NRCAM: variants seen among roughly 807,000 people sequenced by gnomAD.
NRCAM encodes NgCAM-related cell adhesion molecule.
NRCAM carries 83 observed loss-of-function variants against 156.5 expected under a neutral mutation model. That is an observed-to-expected ratio of 0.53 (90% CI 0.44 to 0.64). The LOEUF (loss-of-function observed/expected upper bound fraction) is 0.64, where lower values mean the gene tolerates loss of function less well. NRCAM is among the 30% of genes least tolerant of loss of function. The pLI is 0.00. For synonymous variants in NRCAM, 538 were observed against 563.9 expected (o/e 0.95, Z 0.65); for missense variants, 1,417 against 1,597.3 (o/e 0.89, Z 1.92).
intron 3 of NRCAM, among the ~76,000 whole-genome samples, chr7:108,302,050 G>C (rs949368382): frequency 6.7e-6 from 1 of 150,122 alleles, no homozygotes; most frequent in Admixed American, 6.6e-5. Context: ...AGTGACCAAA[G>C]TACAAAAAAA....
chr7:108,348,046 A>T (rs1161488798), intron 2 of NRCAM, among the ~76,000 whole-genome samples: 2 of 152,244 alleles, frequency 1.3e-5, no homozygotes, highest in African/African-American at 4.8e-5. Flanking sequence ...AGCATTCTGT[A>T]TTCATCTTTG....
intron 32 of NRCAM, chr7:108,156,529 G>A: frequency 2.4e-6 from 1 of 413,164 alleles, no homozygotes; most frequent in Non-Finnish European, 3.3e-6. Context: ...GTCAGAGTAG[G>A]GGCACAGGGT....
intron 25 of NRCAM, among the ~76,000 whole-genome samples, chr7:108,179,973 G>A (rs1286071228): frequency 1.3e-5 from 2 of 152,272 alleles, no homozygotes; most frequent in African/African-American, 4.8e-5. Flanking sequence ...CAGTGTGTGT[G>A]GAGAAAAATT....
intron 2 of NRCAM, among the ~76,000 whole-genome samples, chr7:108,387,315 C>T (rs2099743777): frequency 6.6e-6 from 1 of 152,064 alleles, no homozygotes; most frequent in African/African-American, 2.4e-5. Flanking sequence ...CTTTTATTAA[C>T]CTCCATATTC....
At chr7:108,211,541 G>A (rs1406003618) in intron 11 of NRCAM, among the ~76,000 whole-genome samples, 2 of 152,206 alleles carry the variant, frequency 1.3e-5, no homozygotes, top group African/African-American at 4.8e-5. Context: ...GGCTGTTAGG[G>A]TAGGCACTGT....
At chr7:108,168,025 C>A (rs191583629) in intron 29 of NRCAM, among the ~76,000 whole-genome samples, 1 of 152,088 alleles carries the variant, frequency 6.6e-6, no homozygotes, top group East Asian at 1.9e-4. Context: ...GTTTCAAGTA[C>A]TATGATATGA....
intron 2 of NRCAM, among the ~76,000 whole-genome samples, chr7:108,322,801 A>G (rs529571153): frequency 1.3e-5 from 2 of 152,338 alleles, no homozygotes; most frequent in South Asian, 4.1e-4. Context: ...GTTGCTAACT[A>G]TAGTTAAGTT....
chr7:108,277,467 C>T (rs1009247084), intron 3 of NRCAM, among the ~76,000 whole-genome samples: 5 of 152,022 alleles, frequency 3.3e-5, no homozygotes, highest in South Asian at 2.1e-4. Flanking sequence ...CTTGTCTTCT[C>T]GCTTTATTTC....
intron 1 of NRCAM, among the ~76,000 whole-genome samples, chr7:108,446,545 G>A (rs1244234898): frequency 6.6e-6 from 1 of 152,154 alleles, no homozygotes; most frequent in African/African-American, 2.4e-5. Context: ...GCAGAACAGA[G>A]CAAGGATGGT....
At chr7:108,250,288 T>C (rs2096251875) in intron 3 of NRCAM, among the ~76,000 whole-genome samples, 1 of 151,960 alleles carries the variant, frequency 6.6e-6, no homozygotes, top group Admixed American at 6.6e-5. Context: ...AAGCTGGGCA[T>C]GGTGGCGAGC....
rs1459130439 is a variant in NRCAM at position 108,405,707 on chromosome 7, T to C, written c.-331-6114A>G. ...GATGACATTACGTTTTAGTTAAAGTTAGAAAAGCAGTATCTTTAGATATGT... is the reference window on the plus strand; with the variant it reads ...GATGACATTACGTTTTAGTTAAAGTCAGAAAAGCAGTATCTTTAGATATGT... On this transcript the variant is annotated intron_variant, in intron 1 of 32. Transcript: ENST00000379028. Among the ~76,000 whole-genome samples, 6 of 152,190 alleles carry C rather than the reference T, an allele frequency of 3.9e-5. 1 individual carries two copies. Among genetic ancestry groups the C allele is most frequent in the Admixed American group, 3.9e-4 (6 of 15,278 alleles).
chr7:108,444,616 C>T (rs1842416859), intron 1 of NRCAM, among the ~76,000 whole-genome samples: 1 of 152,080 alleles, frequency 6.6e-6, no homozygotes, highest in African/African-American at 2.4e-5. Flanking sequence ...TTGCTGGCAA[C>T]CTTTGGCCAT....
chr7:108,237,749 T>C lies in NRCAM; in HGVS notation c.124+3A>G, dbSNP rs2095213147. ...GCCTAGTAATTTATAGAAGGACACT[T>C]ACAGTCTTCAAGAAGTTTTGCTTTT... On this transcript the variant is annotated splice_donor_region_variant and intron_variant, in intron 5 of 32. Coordinates refer to ENST00000379028, the MANE Select transcript of NRCAM (RefSeq NM_001037132.4). 5 of 1,592,258 alleles carry C rather than the reference T, an allele frequency of 3.1e-6. No homozygotes were observed. Among genetic ancestry groups the C allele is most frequent in the Non-Finnish European group, 4.3e-6 (5 of 1,170,270 alleles).
At position 108,286,677 on chromosome 7, in the gene NRCAM, G is replaced by C. The variant is rs1340476350; in HGVS notation, c.-107+25988C>G. Among the ~76,000 whole-genome samples the C allele has an allele frequency of 2.0e-5, 3 of 152,118 alleles. No homozygotes were observed. The East Asian group carries it at 5.8e-4, about 29-fold the overall frequency. On this transcript the variant is annotated intron_variant, in intron 3 of 32. Transcript: ENST00000379028. ...CCCATTTTGCAGACACAGCTATTAA[G>C]TGGAAGAACCATAATTCAGACACGA...
intron 3 of NRCAM, among the ~76,000 whole-genome samples, chr7:108,257,155 A>C (rs1015957312): frequency 6.6e-6 from 1 of 152,162 alleles, no homozygotes; most frequent in African/African-American, 2.4e-5. Flanking sequence ...GCAAAACTAT[A>C]GAATCAGAGA....
At chr7:108,169,322 A>G (rs1163625326) in intron 28 of NRCAM, among the ~76,000 whole-genome samples, 1 of 152,218 alleles carries the variant, frequency 6.6e-6, no homozygotes, top group Non-Finnish European at 1.5e-5. Flanking sequence ...CTTAAACTAA[A>G]AATGAAACAT....
At chr7:108,360,980 C>T (rs1251976246) in intron 2 of NRCAM, among the ~76,000 whole-genome samples, 1 of 152,038 alleles carries the variant, frequency 6.6e-6, no homozygotes, top group Non-Finnish European at 1.5e-5. Context: ...TATTGGGCTT[C>T]CTGAAAAGTA....
chr7:108,231,058 G>T lies in NRCAM; in HGVS notation c.523C>A (p.Pro175Thr), dbSNP rs2094268237. 1 of 1,606,620 alleles carries T rather than the reference G, an allele frequency of 6.2e-7. No individual in the cohort carries two copies. Among genetic ancestry groups the T allele is most frequent in the Admixed American group, 1.7e-5 (1 of 59,466 alleles). ...TTATCCATCCAAAATATTATAGGTG[G>T]TGGTAATCCAATTGGGGGTCTGCAG... ...LPCRPPIGLP[P>T]PIIFWMDNSF... The change falls in exon 8 of 33, where the codon CCA becomes ACA. Residue 175 changes from proline to threonine, a missense_variant. Pro to Thr is a conservative substitution (Grantham distance 38). Around this residue, in one of 2 missense-constraint regions of NRCAM, gnomAD observed 1,238 missense variants for 1,336.4 expected, o/e 0.93. Transcript: ENST00000379028.
chr7:108,202,119 T>C (rs1015579275), intron 13 of NRCAM, among the ~76,000 whole-genome samples: 1 of 152,142 alleles, frequency 6.6e-6, no homozygotes, highest in South Asian at 2.1e-4. Flanking sequence ...ACCAACTTCA[T>C]CTGCTGTCAA....
Sources: allele counts gnomAD v4.1 joint callset (sites outside exome capture counted in the v4.1 genomes callset), GRCh38; gene constraint gnomAD v4.1.1; regional missense constraint gnomAD v4.1.1; transcripts MANE v1.5; gene names NCBI Gene and HGNC (gene_info 2026-07-23, HGNC 2026-07-21).